The following MEI4 variants were observed in gnomAD, a reference collection of about 807,000 sequenced individuals.
The protein encoded by MEI4 is meiotic double-stranded break formation protein 4.
A neutral mutation model predicts 31.4 loss-of-function variants in MEI4; 27 were observed. The observed-to-expected ratio is 0.86, with a 90% CI of 0.63 to 1.19. The LOEUF (loss-of-function observed/expected upper bound fraction) is 1.19, where lower values mean the gene tolerates loss of function less well. Among genes scored for constraint, MEI4 ranks in the 50% most tolerant of loss-of-function variants. The pLI is 0.00. For synonymous variants in MEI4, 122 were observed against 145.4 expected, an observed-to-expected ratio of 0.84 and a Z score of 1.16; for missense variants, 329 against 398.9, an observed-to-expected ratio of 0.82 and a Z score of 1.49.
intron 2 of MEI4, among the ~76,000 whole-genome samples, chr6:77,736,898 A>T (rs1767256422): frequency 1.3e-5 from 2 of 151,164 alleles, no homozygotes; most frequent in Non-Finnish European, 2.9e-5. Context: ...GCCTTTAAGG[A>T]TGGATAGGAT....
In MEI4 at chr6:77,761,391, A is replaced by C. The variant is rs1353620278; in HGVS notation, c.494A>C (p.Glu165Ala). The part of the protein sequence containing the change: ...QYLLELKNLT[E>A]SGNLKRDLTH... The stretch of plus-strand genomic sequence containing the variant: ...CTACTTGAATTAAAGAACTTGACAG[A>C]ATCAGGTAATCTTAAAAGAGACTTA... Residue 165 changes from glutamate to alanine, a missense_variant, in exon 3 of 5, where the codon GAA becomes GCA. Coordinates refer to ENST00000684080, the MANE Select transcript of MEI4 (RefSeq NM_001322247.2). 2 of 1,232,230 alleles carry C rather than the reference A, an allele frequency of 1.6e-6. No individual in the cohort carries two copies. The highest frequency in any genetic ancestry group is 2.0e-6 in the Non-Finnish European group (2 of 987,964). 76.3% of individuals were successfully genotyped at this position (1,232,230 alleles called of 1,614,324 possible). A position where few individuals can be genotyped will look rare whatever the true frequency, so the allele number is the denominator to read the frequency against.
Position 77,854,796 on chromosome 6 carries a change from C to A in MEI4, c.900+25734C>A, listed in dbSNP as rs542485971. Reference sequence around the variant, plus strand: ...AAGCTACACACTTGACTTATATTATCTCATTAAACCTCAAAGCAACCGTCT... The same window carrying A: ...AAGCTACACACTTGACTTATATTATATCATTAAACCTCAAAGCAACCGTCT... On this transcript the variant is annotated intron_variant, in intron 4 of 4. Transcript: ENST00000684080. Among the ~76,000 whole-genome samples the A allele has an allele frequency of 8.5e-5, 13 of 152,172 alleles. No homozygotes were observed. In the South Asian group the frequency reaches 2.7e-3, roughly 32 times the overall value.
At chr6:77,730,231 T>A (rs77254846) in intron 2 of MEI4, among the ~76,000 whole-genome samples, 20,943 of 152,068 alleles carry the variant, frequency 0.14, 1,528 homozygotes, top group Middle Eastern at 0.21. Context: ...AATTTTATTG[T>A]TTTTACCAGT....
At chr6:77,690,012 T>C (rs1769129639) in intron 1 of MEI4, among the ~76,000 whole-genome samples, 2 of 151,966 alleles carry the variant, frequency 1.3e-5, no homozygotes, top group Admixed American at 1.3e-4. Flanking sequence ...CACTGTTGGT[T>C]TGGAAAAGTA....
At chr6:77,893,344 A>T (rs544157278) in intron 4 of MEI4, among the ~76,000 whole-genome samples, 2 of 152,306 alleles carry the variant, frequency 1.3e-5, no homozygotes, top group Admixed American at 6.5e-5. Context: ...AGCTAATGTG[A>T]ATTTCCCAGA....
chr6:77,874,420 G>A (rs1771278920), intron 4 of MEI4, among the ~76,000 whole-genome samples: 2 of 152,162 alleles, frequency 1.3e-5, no homozygotes, highest in South Asian at 4.1e-4. Flanking sequence ...TGTTATTGGT[G>A]TATAAGAATG....
rs543296014 is a variant in MEI4 at position 77,847,880 on chromosome 6, C to T, written c.900+18818C>T. Among the ~76,000 whole-genome samples the T allele has an allele frequency of 6.6e-6, 1 of 152,196 alleles. No individual in the cohort carries two copies. The highest frequency in any genetic ancestry group is 1.9e-4 in the East Asian group (1 of 5,180). On this transcript the variant is annotated intron_variant, in intron 4 of 4. Transcript: ENST00000684080. The surrounding 1 kb of genome is among the most constrained non-coding windows in gnomAD (Gnocchi z 4.6). Reference sequence around the variant, plus strand: ...CTGTAATCAATAACTCTTACTGACCCTGAAACTCACATTACTTGTTTTCCA... The same window carrying T: ...CTGTAATCAATAACTCTTACTGACCTTGAAACTCACATTACTTGTTTTCCA...
chr6:77,843,291 G>A (rs1311248839), intron 4 of MEI4, among the ~76,000 whole-genome samples: 1 of 151,796 alleles, frequency 6.6e-6, no homozygotes, highest in Non-Finnish European at 1.5e-5. Context: ...AATTTTAATT[G>A]CATTTATTAT....
chr6:77,776,325 C>T (rs1253043372), intron 3 of MEI4, among the ~76,000 whole-genome samples: 1 of 151,906 alleles, frequency 6.6e-6, no homozygotes, highest in Non-Finnish European at 1.5e-5. Context: ...TTGACTCTTA[C>T]CCTTTGATTT....
At chr6:77,916,578 A>G (rs913127914) in intron 4 of MEI4, among the ~76,000 whole-genome samples, 1 of 151,974 alleles carries the variant, frequency 6.6e-6, no homozygotes, top group South Asian at 2.1e-4. Flanking sequence ...CCATGGCTTT[A>G]CCTACTAATT....
intron 2 of MEI4, among the ~76,000 whole-genome samples, chr6:77,704,521 A>AT (rs977901639): frequency 5.3e-5 from 8 of 152,192 alleles, no homozygotes; most frequent in African/African-American, 1.9e-4. Flanking sequence ...AGATCAGTGA[A>AT]TTCCCCACAA....
chr6:77,891,826 T>A (rs1771775029), intron 4 of MEI4, among the ~76,000 whole-genome samples: 1 of 152,178 alleles, frequency 6.6e-6, no homozygotes. Flanking sequence ...ATAAGATTAT[T>A]TTGCTTTGAA....
At chr6:77,686,295 A>G (rs1252453428) in intron 1 of MEI4, among the ~76,000 whole-genome samples, 1 of 152,154 alleles carries the variant, frequency 6.6e-6, no homozygotes, top group Non-Finnish European at 1.5e-5. Flanking sequence ...AAGTAAGAAA[A>G]TAATATCATT....
intron 4 of MEI4, among the ~76,000 whole-genome samples, chr6:77,914,541 G>A (rs1479051969): frequency 6.6e-6 from 1 of 151,970 alleles, no homozygotes. Flanking sequence ...GTGCTGATAA[G>A]AATAACTTAT....
rs1766792465 is a variant in MEI4 at position 77,924,316 on chromosome 6, T to TTAA, written c.*970_*971insTAA. The TTAA allele has an allele frequency of 6.6e-6, 1 of 151,920 alleles. No homozygotes were observed. Among genetic ancestry groups the TTAA allele is most frequent in the South Asian group, 2.1e-4 (1 of 4,836 alleles). The allele number at this position is 151,920 out of a possible 1,614,324, so 9.4% of individuals were successfully genotyped here. A position where few individuals can be genotyped will look rare whatever the true frequency, so the allele number is the denominator to read the frequency against. Reference sequence around the variant, plus strand: ...TAAATGTCGTTGGCATTAAAAGTAATCTTGATAATTCCATCTACAATGTAT... The same window carrying TTAA: ...TAAATGTCGTTGGCATTAAAAGTAATTAACTTGATAATTCCATCTACAATGTAT... On this transcript the variant is annotated 3_prime_UTR_variant, in exon 5 of 5. Coordinates refer to ENST00000684080, the MANE Select transcript of MEI4 (RefSeq NM_001322247.2).
intron 4 of MEI4, among the ~76,000 whole-genome samples, chr6:77,905,829 G>A (rs1370839978): frequency 6.7e-6 from 1 of 149,362 alleles, no homozygotes; most frequent in East Asian, 2.0e-4. Context: ...TAAGATTTCT[G>A]TCCCTTTATA....
chr6:77,782,796 T>G lies in MEI4; in HGVS notation c.768+21131T>G, dbSNP rs147365747. The stretch of plus-strand genomic sequence containing the variant: ...ACATGAGTAAGATTTTAAATATAAG[T>G]TTTGAATGAATAACTTAATAGATAT... On this transcript the variant is annotated intron_variant, in intron 3 of 4. Transcript: ENST00000684080. Among the ~76,000 whole-genome samples the G allele has an allele frequency of 8.7e-3, 1,322 of 152,296 alleles. 22 individuals carry two copies. Among genetic ancestry groups the G allele is most frequent in the African/African-American group, 0.029 (1,221 of 41,564 alleles).
At chr6:77,853,278 C>T (rs1431541035) in intron 4 of MEI4, among the ~76,000 whole-genome samples, 1 of 152,124 alleles carries the variant, frequency 6.6e-6, no homozygotes, top group South Asian at 2.1e-4. Context: ...TGCCCTAGTG[C>T]ATTATAGCTC....
chr6:77,850,761 G>A (rs893606357), intron 4 of MEI4, among the ~76,000 whole-genome samples: 2 of 152,118 alleles, frequency 1.3e-5, no homozygotes, highest in African/African-American at 2.4e-5. Context: ...AAAAGCAATG[G>A]TAACAAAAGC....
Sources: allele counts gnomAD v4.1 joint callset (sites outside exome capture counted in the v4.1 genomes callset), GRCh38; gene constraint gnomAD v4.1.1; non-coding constraint Gnocchi (gnomAD v3.1); transcripts MANE v1.5; gene names NCBI Gene and HGNC (gene_info 2026-07-23, HGNC 2026-07-21).